VAV1: variants seen among roughly 807,000 people sequenced by gnomAD.
VAV1 encodes the protein proto-oncogene vav.
Under a neutral mutation model 128.1 loss-of-function variants are expected in VAV1, and 33 were observed. The observed-to-expected ratio is 0.26, with a 90% CI of 0.20 to 0.34. VAV1 has a LOEUF of 0.34. Among genes scored for constraint, VAV1 ranks in the 10% least tolerant of loss-of-function variants. VAV1 has a pLI of 1.00. For synonymous variants in VAV1, 394 were observed against 409.8 expected, an observed-to-expected ratio of 0.96 and a Z score of 0.47; for missense variants, 715 against 1,093.7, an observed-to-expected ratio of 0.65 and a Z score of 4.88.
At chr19:6,829,646 G>A in intron 13 of VAV1, 140 bp from the exon 14 acceptor site, 1 of 1,266,434 alleles carries the variant, frequency 7.9e-7, no homozygotes, top group Non-Finnish European at 1.1e-6. Context: ...GGTGAAGTCA[G>A]GATGGACAGG....
chr19:6,829,962 G>T, intron 14 of VAV1, 44 bp downstream of exon 14: 1 of 1,612,750 alleles, frequency 6.2e-7, no homozygotes, highest in Non-Finnish European at 8.5e-7. Flanking sequence ...CACGCAGTCG[G>T]CAGCTTAGCC....
chr19:6,782,002 CCT>C (rs1970776295), intron 1 of VAV1, among the ~76,000 whole-genome samples: 1 of 152,076 alleles, frequency 6.6e-6, no homozygotes, highest in African/African-American at 2.4e-5. Flanking sequence ...CTATTGGATC[CCT>C]GATTGTCTTA....
chr19:6,787,571 C>T (rs1041486162), intron 1 of VAV1, among the ~76,000 whole-genome samples: 1 of 140,578 alleles, frequency 7.1e-6, no homozygotes, highest in African/African-American at 2.8e-5. Flanking sequence ...CCAACTACTC[C>T]AGATTTATTT....
chr19:6,815,288 C>A (rs955213176), intron 1 of VAV1, among the ~76,000 whole-genome samples: 3 of 152,106 alleles, frequency 2.0e-5, no homozygotes, highest in African/African-American at 7.2e-5. Flanking sequence ...GCTGGGACTA[C>A]TGGCCATCAC....
chr19:6,809,075 CTCTT>C (rs2144745398), intron 1 of VAV1, among the ~76,000 whole-genome samples: 1 of 58,606 alleles, frequency 1.7e-5, no homozygotes, highest in Admixed American at 2.2e-4. Flanking sequence ...GAATCTACCT[CTCTT>C]TTTTTTTTTT....
chr19:6,782,910 A>G (rs2546142), intron 1 of VAV1, among the ~76,000 whole-genome samples: 32,789 of 151,168 alleles, frequency 0.22, 3,675 homozygotes, highest in African/African-American at 0.25. Context: ...GGCCAGGTGC[A>G]GTGGCTCACG....
intron 19 of VAV1, among the ~76,000 whole-genome samples, chr19:6,834,990 C>T (rs56972252): frequency 0.015 from 2,315 of 151,658 alleles, 74 homozygotes; most frequent in African/African-American, 0.054. Context: ...TTGCAGTGAG[C>T]CATGATCACG....
At position 6,772,957 on chromosome 19, in the gene VAV1, G is replaced by A. The variant is rs1003189751; in HGVS notation, c.150G>A (p.Leu50=). ...TTCTGTGTCAGCTGCTTAACAACCT[G>A]CTACCCCATGCCATCAACCTGCGTG... is the stretch of plus-strand genomic sequence containing the variant. ...GVLLCQLLNN[L]LPHAINLREV... The change falls in exon 1 of 27, where the codon CTG becomes CTA. Residue 50 remains leucine, a synonymous_variant. Coordinates refer to ENST00000602142, the MANE Select transcript of VAV1 (RefSeq NM_005428.4). This position sits in a 1 kb window ranked among gnomAD's most constrained non-coding sequence, Gnocchi z 4.8. 3 of 1,614,128 alleles carry A rather than the reference G, an allele frequency of 1.9e-6. 1 individual carries two copies. The highest frequency in any genetic ancestry group is 1.7e-6 in the Non-Finnish European group (2 of 1,180,012).
At chr19:6,774,921 A>ATTTTTTTT (rs61404391) in intron 1 of VAV1, among the ~76,000 whole-genome samples, 5 of 137,354 alleles carry the variant, frequency 3.6e-5, no homozygotes, top group African/African-American at 5.4e-5. Context: ...TGCCTGCCTA[A>ATTTTTTTT]TTTTTTTTTT....
At chr19:6,799,157 T>A (rs1262608901) in intron 1 of VAV1, among the ~76,000 whole-genome samples, 1 of 151,814 alleles carries the variant, frequency 6.6e-6, no homozygotes, top group Non-Finnish European at 1.5e-5. Flanking sequence ...TTGATGGAGG[T>A]TTTTTTGTTT....
chr19:6,826,636 C>T lies in VAV1; in HGVS notation c.852C>T (p.Cys284=), dbSNP rs760343114. 14 of 1,557,660 alleles carry T rather than the reference C, an allele frequency of 9.0e-6. No homozygotes were observed. In the African/African-American group the frequency reaches 9.5e-5, roughly 11 times the overall value. The change falls in exon 9 of 27, where the codon TGC becomes TGT. Residue 284 remains cysteine (C), a synonymous_variant. Coordinates refer to ENST00000602142, the MANE Select transcript of VAV1 (RefSeq NM_005428.4). The surrounding 1 kb of genome is among the most constrained non-coding windows in gnomAD (Gnocchi z 4.1). ...KERFLVYGRY[C]SQVESASKHL... Reference sequence around the variant, plus strand: ...GGTTCCTCGTCTATGGCCGCTACTGCAGCCAGGTGGAGTCAGCCAGCAAAC... The same window carrying T: ...GGTTCCTCGTCTATGGCCGCTACTGTAGCCAGGTGGAGTCAGCCAGCAAAC...
intron 26 of VAV1, among the ~76,000 whole-genome samples, chr19:6,856,296 C>CAA (rs60096400): frequency 1.5e-5 from 2 of 132,936 alleles, no homozygotes; most frequent in African/African-American, 2.8e-5. Flanking sequence ...GACTGTGTCT[C>CAA]AAAAAAAAAA....
intron 1 of VAV1, chr19:6,816,534 CAG>C (rs1177038308): frequency 1.3e-5 from 2 of 151,836 alleles, no homozygotes; most frequent in South Asian, 2.1e-4. Flanking sequence ...TACGCACACA[CAG>C]ACACACACAC....
chr19:6,797,450 C>G lies in VAV1; in HGVS notation c.205-23252C>G, dbSNP rs1971162620. On this transcript the variant is annotated intron_variant, in intron 1 of 26. Coordinates refer to ENST00000602142, the MANE Select transcript of VAV1 (RefSeq NM_005428.4). ...GGGCACAGTGGCTCATGCCTGTAAT[C>G]CCAGCATTTTGGGAGGCCAAGGCGG... Among the ~76,000 whole-genome samples the G allele has an allele frequency of 2.0e-5, 3 of 151,624 alleles. No homozygotes were observed. The South Asian group carries it at 6.2e-4, about 31-fold the overall frequency.
At chr19:6,800,686 A>G (rs1057345190) in intron 1 of VAV1, among the ~76,000 whole-genome samples, 1 of 150,944 alleles carries the variant, frequency 6.6e-6, no homozygotes, top group African/African-American at 2.4e-5. Context: ...CAGTGGCGTG[A>G]TCTCGGCTCA....
intron 3 of VAV1, 24 bp from the exon 4 acceptor site, chr19:6,821,767 G>A (rs1447684166): frequency 6.2e-6 from 10 of 1,613,702 alleles, no homozygotes; most frequent in African/African-American, 1.3e-5. Flanking sequence ...CAGGCCCCTG[G>A]CTCACACCCT....
intron 23 of VAV1, among the ~76,000 whole-genome samples, chr19:6,849,676 C>T (rs1374898940): frequency 6.6e-6 from 1 of 152,114 alleles, no homozygotes; most frequent in Non-Finnish European, 1.5e-5. Context: ...TAAGTGAGAA[C>T]ATGTGGTGTT....
At chr19:6,813,793 C>A (rs945218978) in intron 1 of VAV1, among the ~76,000 whole-genome samples, 20 of 151,962 alleles carry the variant, frequency 1.3e-4, no homozygotes, top group African/African-American at 4.8e-4. Flanking sequence ...GTGGCTCATA[C>A]CTGTAATCTC....
At position 6,794,047 on chromosome 19, in the gene VAV1, T is replaced by TACCAATAAATCAACGGTAAATG. The variant is rs1463079513; in HGVS notation, c.204+21037_204+21038insCCAATAAATCAACGGTAAATGA. ...ACCAATAAACCAACGGTAAATGATT[T>TACCAATAAATCAACGGTAAATG]ATTTACCAATAAACCAACGGTAAAT... On this transcript the variant is annotated intron_variant, in intron 1 of 26. Transcript: ENST00000602142. 5.2e-3 allele frequency among the ~76,000 whole-genome samples: 490 copies of TACCAATAAATCAACGGTAAATG among 93,690 alleles called. 61 individuals carry two copies. Among genetic ancestry groups the TACCAATAAATCAACGGTAAATG allele is most frequent in the Middle Eastern group, 0.022 (4 of 186 alleles). The allele number at this position is 93,690 out of a possible 152,430, so 61.5% of individuals were successfully genotyped here. A position where few individuals can be genotyped will look rare whatever the true frequency, so the allele number is the denominator to read the frequency against.
Sources: gnomAD v4.1 joint callset for allele counts (sites outside exome capture counted in the v4.1 genomes callset) on GRCh38, gnomAD v4.1.1 for gene constraint, Gnocchi (gnomAD v3.1) non-coding constraint, MANE v1.5 for transcripts, NCBI Gene and HGNC (gene_info 2026-07-23, HGNC 2026-07-21) for gene names.